The following MSANTD3 variants were observed in gnomAD, a reference collection of about 807,000 sequenced individuals.
MSANTD3 encodes myb/SANT-like DNA-binding domain-containing protein 3.
In MSANTD3, 11 loss-of-function variants were observed where a neutral mutation model predicts 27.7. The ratio of observed to expected loss-of-function variants is 0.40; its 90% CI spans 0.25 to 0.66. The LOEUF (loss-of-function observed/expected upper bound fraction) is 0.66. Among genes scored for constraint, MSANTD3 ranks in the 30% least tolerant of loss-of-function variants. The pLI is 0.41. For synonymous variants in MSANTD3, 131 were observed against 127.2 expected, an observed-to-expected ratio of 1.03 and a Z score of -0.20; for missense variants, 250 against 336.5, an observed-to-expected ratio of 0.74 and a Z score of 2.01.
At chr9:100,442,766 G>A (rs868150701) in intron 2 of MSANTD3, among the ~76,000 whole-genome samples, 1 of 142,002 alleles carries the variant, frequency 7.0e-6, no homozygotes, top group African/African-American at 2.7e-5. Flanking sequence ...CTGTTATTGC[G>A]CCACTGCACT....
Position 100,441,945 on chromosome 9 carries a change from A to G in MSANTD3, c.7A>G (p.Asn3Asp). The G allele has an allele frequency of 6.2e-7, 1 of 1,604,670 alleles. No individual in the cohort carries two copies. The highest frequency in any genetic ancestry group is 8.5e-7 in the Non-Finnish European group (1 of 1,174,100). ...AGGAGAAATACAGTGGAAAATGCAA[A>G]ACAACGAAATTATAAAGCCTGCCAA... The part of the protein sequence containing the change: MQ[N>D]NEIIKPAKYF... The change falls in exon 2 of 3, where the codon AAC becomes GAC. Residue 3 changes from asparagine to aspartate, a missense_variant. Asn to Asp is a conservative substitution (Grantham distance 23). Transcript: ENST00000395067.
At chr9:100,430,312 G>A in intron 1 of MSANTD3, among the ~76,000 whole-genome samples, 1 of 145,214 alleles carries the variant, frequency 6.9e-6, no homozygotes, top group East Asian at 2.0e-4. Context: ...CTTTGGGAGT[G>A]AGACTCTGTG....
chr9:100,450,503 T>C (rs1452233286), intron 2 of MSANTD3, 54 bp from the exon 3 acceptor site: 1 of 1,470,728 alleles, frequency 6.8e-7, no homozygotes, highest in Non-Finnish European at 9.1e-7. Context: ...TTGGTTTTTT[T>C]TTTTCTCTGC....
chr9:100,444,475 C>T (rs1412250162), intron 2 of MSANTD3: 1 of 152,350 alleles, frequency 6.6e-6, no homozygotes, highest in Non-Finnish European at 1.5e-5. Flanking sequence ...TAGCCAGTTA[C>T]TCTGTTCCTC....
In MSANTD3 at chr9:100,440,213, T is replaced by A. The variant is rs181434300; in HGVS notation, c.-33-1693T>A. Among the ~76,000 whole-genome samples, 23 of 152,250 alleles carry A rather than the reference T, an allele frequency of 1.5e-4. 1 individual carries two copies. Among genetic ancestry groups the A allele is most frequent in the Admixed American group, 1.3e-3 (20 of 15,298 alleles). On this transcript the variant is annotated intron_variant, in intron 1 of 2. Transcript: ENST00000395067. Reference sequence around the variant, plus strand: ...GTGACTTATGGGAATCATGGTTGAATCATTTGGAGTGACCCAAGGCAAGAG... The same window carrying A: ...GTGACTTATGGGAATCATGGTTGAAACATTTGGAGTGACCCAAGGCAAGAG...
In MSANTD3 at chr9:100,442,263, GAGA is replaced by G. The variant is rs746443271; in HGVS notation, c.329_331del (p.Lys110del). 7 of 1,614,094 alleles carry G rather than the reference GAGA, an allele frequency of 4.3e-6. No homozygotes were observed. In the African/African-American group the frequency reaches 6.7e-5, roughly 15 times the overall value. On this transcript the variant is annotated inframe_deletion, in exon 2 of 3. Coordinates refer to ENST00000395067, the MANE Select transcript of MSANTD3 (RefSeq NM_080655.3). ...CCTGAGTACCCACGTCCTAGGGAAG[GAGA>G]AGATCGCCAGCATGCTGCCGGAGCA...
At chr9:100,433,892 C>T (rs1328195214) in intron 1 of MSANTD3, among the ~76,000 whole-genome samples, 2 of 152,130 alleles carry the variant, frequency 1.3e-5, no homozygotes, top group African/African-American at 4.8e-5. Context: ...CCTGCTTTGT[C>T]CTCAAGCTAA....
chr9:100,441,562 C>T (rs1348245419), intron 1 of MSANTD3, among the ~76,000 whole-genome samples: 1 of 152,056 alleles, frequency 6.6e-6, no homozygotes, highest in Non-Finnish European at 1.5e-5. Context: ...TTGCCTGAAC[C>T]CGGGAGGTGG....
chr9:100,428,565 C>G (rs866344324), intron 1 of MSANTD3, among the ~76,000 whole-genome samples: 1 of 152,066 alleles, frequency 6.6e-6, no homozygotes, highest in Admixed American at 6.6e-5. Flanking sequence ...TTCATCCCTC[C>G]CGTAGAGACC....
intron 1 of MSANTD3, among the ~76,000 whole-genome samples, chr9:100,428,207 G>A (rs1212803081): frequency 6.6e-6 from 1 of 152,118 alleles, no homozygotes; most frequent in Non-Finnish European, 1.5e-5. Context: ...TTTCTTAGGC[G>A]TGATAACATT....
At chr9:100,448,473 C>T (rs1422433777) in intron 2 of MSANTD3, 1 of 985,310 alleles carries the variant, frequency 1.0e-6, no homozygotes, top group Non-Finnish European at 1.2e-6. Flanking sequence ...TGTTAACCCT[C>T]TCCCATTCCT....
At chr9:100,438,730 G>T (rs1403326946) in intron 1 of MSANTD3, among the ~76,000 whole-genome samples, 1 of 152,190 alleles carries the variant, frequency 6.6e-6, no homozygotes, top group Non-Finnish European at 1.5e-5. Flanking sequence ...GGCAGATAGA[G>T]ATAATACAGA....
chr9:100,442,828 AAG>A (rs1491161690), intron 2 of MSANTD3, among the ~76,000 whole-genome samples: 16 of 150,300 alleles, frequency 1.1e-4, no homozygotes, highest in Admixed American at 1.1e-3. Context: ...AAAAAAAAAA[AAG>A]TAATATATAA....
chr9:100,439,660 C>G (rs1836556925), intron 1 of MSANTD3, among the ~76,000 whole-genome samples: 2 of 151,812 alleles, frequency 1.3e-5, no homozygotes, highest in African/African-American at 2.4e-5. Context: ...CAGGCGTCTG[C>G]CACCACTCCC....
chr9:100,430,441 G>C (rs1022623862), intron 1 of MSANTD3, among the ~76,000 whole-genome samples: 2 of 152,074 alleles, frequency 1.3e-5, no homozygotes, highest in African/African-American at 2.4e-5. Context: ...AAAATACATG[G>C]AGAGAATGAG....
intron 1 of MSANTD3, among the ~76,000 whole-genome samples, chr9:100,437,444 G>GT (rs1661309771): frequency 6.6e-6 from 1 of 152,172 alleles, no homozygotes; most frequent in African/African-American, 2.4e-5. Context: ...TGTGACCAGA[G>GT]TAAGTTACTG....
chr9:100,448,600 A>G (rs1208893042), intron 2 of MSANTD3: 1 of 985,332 alleles, frequency 1.0e-6, no homozygotes, highest in East Asian at 1.1e-4. Flanking sequence ...TTACATGCCC[A>G]GCACTATACC....
At chr9:100,435,740 GTGTCTCTACTTA>G (rs1441155150) in intron 1 of MSANTD3, among the ~76,000 whole-genome samples, 1 of 152,064 alleles carries the variant, frequency 6.6e-6, no homozygotes, top group Non-Finnish European at 1.5e-5. Context: ...CAGCTTCCTG[GTGTCTCTACTTA>G]TCAAGGCACT....
At chr9:100,431,074 C>G (rs1473094818) in intron 1 of MSANTD3, among the ~76,000 whole-genome samples, 2 of 151,746 alleles carry the variant, frequency 1.3e-5, no homozygotes, top group African/African-American at 4.8e-5. Flanking sequence ...GCAATCTCGG[C>G]TCACCGCAAC....
Sources: gnomAD v4.1 joint callset for allele counts (sites outside exome capture counted in the v4.1 genomes callset) on GRCh38, gnomAD v4.1.1 for gene constraint, MANE v1.5 for transcripts, NCBI Gene and HGNC (gene_info 2026-07-23, HGNC 2026-07-21) for gene names.